NPFFR2: variants seen among roughly 807,000 people sequenced by gnomAD.
NPFFR2 encodes neuropeptide FF receptor 2, also known as G-protein coupled receptor 74.
In NPFFR2, 15 loss-of-function variants were observed where a neutral mutation model predicts 13.1. The ratio of observed to expected loss-of-function variants is 1.15; its 90% confidence interval spans 0.77 to 1.76. The LOEUF (loss-of-function observed/expected upper bound fraction) is 1.76, where lower values mean the gene tolerates loss of function less well. NPFFR2 is among the 40% of genes most tolerant of loss of function. NPFFR2 has a pLI of 0.00. For synonymous variants in NPFFR2, 190 were observed against 175.7 expected, an observed-to-expected ratio of 1.08 and a Z score of -0.65; for missense variants, 572 against 503.5, an observed-to-expected ratio of 1.14 and a Z score of -1.30.
intron 1 of NPFFR2, among the ~76,000 whole-genome samples, chr4:72,073,050 C>G (rs1284388114): frequency 6.6e-6 from 1 of 152,002 alleles, no homozygotes. Context: ...AATGATTCAA[C>G]TATATGCCAT....
intron 1 of NPFFR2, among the ~76,000 whole-genome samples, chr4:72,128,040 C>T (rs984964839): frequency 3.3e-5 from 5 of 152,126 alleles, no homozygotes; most frequent in Non-Finnish European, 5.9e-5. Flanking sequence ...GATGGTGCCA[C>T]TGCACTCCCA....
At chr4:72,103,093 G>A (rs1009298589) in intron 1 of NPFFR2, among the ~76,000 whole-genome samples, 1 of 152,022 alleles carries the variant, frequency 6.6e-6, no homozygotes, top group Non-Finnish European at 1.5e-5. Flanking sequence ...ATCTCATTGT[G>A]GTTTTGATTT....
chr4:72,103,689 T>A (rs905934466), intron 1 of NPFFR2, among the ~76,000 whole-genome samples: 13 of 151,980 alleles, frequency 8.6e-5, no homozygotes, highest in African/African-American at 3.1e-4. Flanking sequence ...TTTATGGAAA[T>A]AAAAAAGACA....
chr4:72,058,016 G>A (rs1370721956), intron 1 of NPFFR2, among the ~76,000 whole-genome samples: 2 of 152,024 alleles, frequency 1.3e-5, no homozygotes, highest in East Asian at 3.9e-4. Flanking sequence ...AGAGGATGGA[G>A]AGGCTTGGCT....
At chr4:72,095,936 G>C (rs28562626) in intron 1 of NPFFR2, among the ~76,000 whole-genome samples, 4,419 of 152,240 alleles carry the variant, frequency 0.029, 173 homozygotes, top group African/African-American at 0.09. Context: ...TCAGTCATGA[G>C]TGTCATTTCT....
intron 1 of NPFFR2, among the ~76,000 whole-genome samples, chr4:72,073,394 C>G (rs1720323557): frequency 6.6e-6 from 1 of 152,044 alleles, no homozygotes; most frequent in South Asian, 2.1e-4. Context: ...AAGCTTACCA[C>G]TAGAACTGCC....
In NPFFR2 at chr4:72,148,120, C is replaced by T. The variant is rs184062275; in HGVS notation, c.*308C>T. ...GTGTATGCGTCAAATCAAGCCTGCA[C>T]GCGTGCGTGCATGTGTGTGTGTATT... On this transcript the variant is annotated 3_prime_UTR_variant, in exon 4 of 4. Coordinates refer to ENST00000308744, the MANE Select transcript of NPFFR2 (RefSeq NM_004885.3). 12 of 245,132 alleles carry T rather than the reference C, an allele frequency of 4.9e-5. No homozygotes were observed. The highest frequency in any genetic ancestry group is 1.5e-4 in the Admixed American group (3 of 19,512). The allele number at this position is 245,132 out of a possible 1,614,324, so 15.2% of individuals were successfully genotyped here.
At chr4:72,037,263 T>C (rs1437932800) in intron 1 of NPFFR2, among the ~76,000 whole-genome samples, 1 of 151,540 alleles carries the variant, frequency 6.6e-6, no homozygotes, top group Non-Finnish European at 1.5e-5. Context: ...CTGGTCATAG[T>C]GGTACATACC....
At chr4:72,114,198 AT>A (rs1721647333) in intron 1 of NPFFR2, among the ~76,000 whole-genome samples, 2 of 152,046 alleles carry the variant, frequency 1.3e-5, no homozygotes, top group East Asian at 3.9e-4. Context: ...AATTCATTGA[AT>A]TTTTAAAAAC....
chr4:72,113,739 G>C (rs1042782158), intron 1 of NPFFR2, among the ~76,000 whole-genome samples: 1 of 152,058 alleles, frequency 6.6e-6, no homozygotes, highest in Admixed American at 6.6e-5. Context: ...AGACAGCCCT[G>C]GGGGGTTGTC....
At chr4:72,088,045 C>A (rs919035248) in intron 1 of NPFFR2, among the ~76,000 whole-genome samples, 1 of 151,932 alleles carries the variant, frequency 6.6e-6, no homozygotes, top group African/African-American at 2.4e-5. Flanking sequence ...AGAAGAGAGA[C>A]CAAATACCTC....
At chr4:72,098,470 T>G (rs1415310576) in intron 1 of NPFFR2, among the ~76,000 whole-genome samples, 1 of 143,640 alleles carries the variant, frequency 7.0e-6, no homozygotes, top group African/African-American at 2.6e-5. Context: ...GAGTTTTTTT[T>G]GTCATTTTTT....
At chr4:72,138,177 C>A in intron 3 of NPFFR2, 38 bp downstream of exon 3, 3 of 1,414,714 alleles carry the variant, frequency 2.1e-6, no homozygotes, top group Non-Finnish European at 3.0e-6. Flanking sequence ...GAAAAATTGG[C>A]ATGTCTGCAA....
intron 2 of NPFFR2, among the ~76,000 whole-genome samples, chr4:72,135,939 G>GC (rs1722396294): frequency 1.3e-5 from 2 of 151,842 alleles, no homozygotes; most frequent in Non-Finnish European, 2.9e-5. Flanking sequence ...GGGCATTTGG[G>GC]ATATCCATCA....
rs367643168 is a variant in NPFFR2, at chr4:72,130,184, TC to T, written c.328+1269del. 4.3e-4 allele frequency among the ~76,000 whole-genome samples: 66 copies of T among 152,266 alleles called. 1 individual carries two copies. In the South Asian group the frequency reaches 0.013, roughly 29 times the overall value. ...GTAACAATCTGATCTCTCTTGCTTT[TC>T]CCCACAATTATGTCTTACCTGAAAC... On this transcript the variant is annotated intron_variant, in intron 2 of 3. Coordinates refer to ENST00000308744, the MANE Select transcript of NPFFR2 (RefSeq NM_004885.3).
At chr4:72,121,191 A>G (rs980655173) in intron 1 of NPFFR2, among the ~76,000 whole-genome samples, 1 of 152,090 alleles carries the variant, frequency 6.6e-6, no homozygotes, top group South Asian at 2.1e-4. Flanking sequence ...CGTGAAGACA[A>G]GACTAGAGAA....
At chr4:72,095,092 T>C (rs1721025133) in intron 1 of NPFFR2, among the ~76,000 whole-genome samples, 1 of 152,218 alleles carries the variant, frequency 6.6e-6, no homozygotes, top group African/African-American at 2.4e-5. Context: ...ATTGTTTTCG[T>C]TAATGAATTT....
intron 1 of NPFFR2, among the ~76,000 whole-genome samples, chr4:72,110,973 G>A (rs1721551101): frequency 6.6e-6 from 1 of 151,938 alleles, no homozygotes; most frequent in African/African-American, 2.4e-5. Context: ...AAAAGCCTAA[G>A]TAAGCTCTAT....
At chr4:72,092,123 A>C (rs1720931820) in intron 1 of NPFFR2, among the ~76,000 whole-genome samples, 1 of 151,932 alleles carries the variant, frequency 6.6e-6, no homozygotes, top group Non-Finnish European at 1.5e-5. Context: ...AGGTCATTTA[A>C]TTTTCATGTA....
Sources: allele counts gnomAD v4.1 joint callset (sites outside exome capture counted in the v4.1 genomes callset), GRCh38; gene constraint gnomAD v4.1.1; transcripts MANE v1.5; gene names NCBI Gene and HGNC (gene_info 2026-07-23, HGNC 2026-07-21).